The following INSYN2B variants were observed in gnomAD, a reference collection of about 807,000 sequenced individuals.
INSYN2B encodes the protein inhibitory synaptic factor family member 2B.
A neutral mutation model predicts 41.2 loss-of-function variants in INSYN2B; 16 were observed. The observed-to-expected ratio is 0.39, with a 90% confidence interval of 0.26 to 0.59. The LOEUF is 0.59. Ranked by LOEUF, INSYN2B falls within the 20% of genes least tolerant of loss-of-function variation. The probability of loss-of-function intolerance (pLI) is 0.57; values close to 1 mark genes in which losing one functional copy is unlikely to be tolerated. For missense variants in INSYN2B, 608 were observed against 646.4 expected (o/e 0.94, Z 0.64); for synonymous variants, 245 against 244.4 (o/e 1.00, Z -0.02).
At chr5:169,902,837 C>T (rs537945882) in intron 1 of INSYN2B, among the ~76,000 whole-genome samples, 6 of 152,252 alleles carry the variant, frequency 3.9e-5, no homozygotes, top group South Asian at 4.1e-4. Flanking sequence ...TGGTGGCTCA[C>T]GCCTGTAATC....
At chr5:169,916,322 C>T (rs1001785388) in intron 1 of INSYN2B, among the ~76,000 whole-genome samples, 2 of 152,222 alleles carry the variant, frequency 1.3e-5, no homozygotes. Flanking sequence ...ATGCATGGAT[C>T]TAAGGAACCA....
chr5:169,890,516 A>G (rs1465423248), intron 1 of INSYN2B, among the ~76,000 whole-genome samples: 1 of 152,164 alleles, frequency 6.6e-6, no homozygotes, highest in Non-Finnish European at 1.5e-5. Flanking sequence ...CTAATTTTCC[A>G]AATTATATAT....
At chr5:169,936,599 T>A (rs907835643) in intron 1 of INSYN2B, among the ~76,000 whole-genome samples, 23 of 130,860 alleles carry the variant, frequency 1.8e-4, no homozygotes, top group Middle Eastern at 3.8e-3. Flanking sequence ...TTTTTTTTTT[T>A]ATGAATTAGC....
chr5:169,912,976 T>C (rs1581406554), intron 1 of INSYN2B, among the ~76,000 whole-genome samples: 1 of 152,326 alleles, frequency 6.6e-6, no homozygotes, highest in South Asian at 2.1e-4. Context: ...TAATTTTGTA[T>C]AGAATTTTCA....
chr5:169,950,754 G>A (rs986383498), intron 1 of INSYN2B, among the ~76,000 whole-genome samples: 9 of 152,082 alleles, frequency 5.9e-5, no homozygotes, highest in Middle Eastern at 3.2e-3. Flanking sequence ...CTTAAGATTC[G>A]GGTGTATCAG....
rs985138521 is a variant in INSYN2B, at chr5:169,863,521, A to T, written c.*752T>A. Among the ~76,000 whole-genome samples the T allele has an allele frequency of 6.6e-6, 1 of 152,246 alleles. No homozygotes were observed. The highest frequency in any genetic ancestry group is 1.9e-4 in the East Asian group (1 of 5,182). Reference sequence around the variant, plus strand: ...CTCAGGCCCTAGGCAGAGAAGAAGCATGATGGTTTAGGGTGGGCCCTGGAA... The same window carrying T: ...CTCAGGCCCTAGGCAGAGAAGAAGCTTGATGGTTTAGGGTGGGCCCTGGAA... On this transcript the variant is annotated 3_prime_UTR_variant, in exon 4 of 4. Coordinates refer to ENST00000377365, the MANE Select transcript of INSYN2B (RefSeq NM_001129891.3).
At chr5:169,913,539 G>A (rs1300424258) in intron 1 of INSYN2B, among the ~76,000 whole-genome samples, 1 of 152,064 alleles carries the variant, frequency 6.6e-6, no homozygotes, top group Non-Finnish European at 1.5e-5. Context: ...TTACTCAAAA[G>A]GAGCTCTAGA....
chr5:169,946,761 C>G (rs930471744), intron 1 of INSYN2B, among the ~76,000 whole-genome samples: 1 of 152,184 alleles, frequency 6.6e-6, no homozygotes, highest in Non-Finnish European at 1.5e-5. Context: ...CTGAAAGTCA[C>G]ACAGTAGGAT....
intron 1 of INSYN2B, among the ~76,000 whole-genome samples, chr5:169,945,793 G>A (rs1164763568): frequency 6.6e-6 from 1 of 152,194 alleles, no homozygotes; most frequent in East Asian, 1.9e-4. Flanking sequence ...AGCACCTCTG[G>A]CTTTTGCTTA....
intron 3 of INSYN2B, 150 bp downstream of exon 3, chr5:169,881,218 T>C (rs1772627437): frequency 3.0e-6 from 2 of 657,498 alleles, no homozygotes; most frequent in Admixed American, 5.1e-5. Context: ...AACAAAGCAA[T>C]CCCTGCCTTG....
chr5:169,945,152 G>C (rs1776394811), intron 1 of INSYN2B, among the ~76,000 whole-genome samples: 1 of 152,204 alleles, frequency 6.6e-6, no homozygotes, highest in Non-Finnish European at 1.5e-5. Flanking sequence ...CTCTGACATG[G>C]TTAAAAAGGT....
rs149156890 is a variant in INSYN2B, at chr5:169,883,403, C to T, written c.496G>A (p.Val166Met). 6.4e-7 allele frequency: 1 copy of T among 1,551,680 alleles called. No homozygotes were observed. The highest frequency in any genetic ancestry group is 2.0e-5 in the Admixed American group (1 of 50,990). The change falls in exon 2 of 4, where the codon GTG becomes ATG. Residue 166 changes from valine (V) to methionine (M), a missense_variant. Transcript: ENST00000377365. ...HLEDGPRRVK[V>M]SHAFLPRVPK... ...ACCCTTGGGAGGAATGCATGGGACACCTTGACCCTTCGAGGCCCATCCTCA... is the reference window on the plus strand; with the variant it reads ...ACCCTTGGGAGGAATGCATGGGACATCTTGACCCTTCGAGGCCCATCCTCA...
Position 169,883,944 on chromosome 5 carries a change from C to T in INSYN2B, c.-46G>A. On this transcript the variant is annotated 5_prime_UTR_variant, in exon 2 of 4. It adds an upstream start codon to the 5' untranslated region. Coordinates refer to ENST00000377365, the MANE Select transcript of INSYN2B (RefSeq NM_001129891.3). ...CAGGACCATACACTTCTCCTAGGCA[C>T]ATCTCCCCTTAGGTCTTTGGAGCAG... 1.4e-6 allele frequency: 2 copies of T among 1,439,190 alleles called. No individual in the cohort carries two copies. Among genetic ancestry groups the T allele is most frequent in the South Asian group, 3.0e-5 (2 of 66,214 alleles). 89.2% of individuals were successfully genotyped at this position (1,439,190 alleles called of 1,614,324 possible). A position where few individuals can be genotyped will look rare whatever the true frequency, so the allele number is the denominator to read the frequency against.
intron 1 of INSYN2B, among the ~76,000 whole-genome samples, chr5:169,938,028 G>T (rs1023427832): frequency 2.0e-5 from 3 of 152,252 alleles, no homozygotes; most frequent in Admixed American, 2.0e-4. Context: ...GAAATCCTGG[G>T]AGCCATTAAG....
intron 1 of INSYN2B, among the ~76,000 whole-genome samples, chr5:169,903,985 G>C (rs774578923): frequency 1.3e-5 from 2 of 151,806 alleles, no homozygotes; most frequent in Non-Finnish European, 2.9e-5. Context: ...CCAGTTACTC[G>C]GGAGGGCTGA....
intron 1 of INSYN2B, among the ~76,000 whole-genome samples, chr5:169,978,392 T>TGG (rs150934804): frequency 4.4e-4 from 10 of 22,732 alleles, no homozygotes; most frequent in African/African-American, 5.7e-4. Flanking sequence ...TGTGTGTGTG[T>TGG]GGGGGGGGGG....
intron 1 of INSYN2B, among the ~76,000 whole-genome samples, chr5:169,922,591 A>G (rs1439178254): frequency 2.6e-5 from 4 of 152,230 alleles, no homozygotes; most frequent in Non-Finnish European, 5.9e-5. Context: ...AGTTTAGAGA[A>G]TATCACCTAC....
chr5:169,943,949 G>A lies in INSYN2B; in HGVS notation c.-919+36328C>T, dbSNP rs1016125252. On this transcript the variant is annotated intron_variant, in intron 1 of 3. Transcript: ENST00000377365. ...TGGGAAAATTTAGAAAAGCCACTTT[G>A]CTTTCTTATTGTCTCTGTAAAGTGG... Among the ~76,000 whole-genome samples the A allele has an allele frequency of 3.9e-5, 6 of 152,330 alleles. No homozygotes were observed. In the East Asian group the frequency reaches 7.7e-4, roughly 20 times the overall value.
intron 1 of INSYN2B, among the ~76,000 whole-genome samples, chr5:169,963,661 C>G (rs1203848864): frequency 1.3e-5 from 2 of 152,194 alleles, no homozygotes; most frequent in African/African-American, 4.8e-5. Context: ...AACCCACCCC[C>G]TCACCCAGTC....
Sources: gnomAD v4.1 joint callset for allele counts (sites outside exome capture counted in the v4.1 genomes callset) on GRCh38, gnomAD v4.1.1 for gene constraint, MANE v1.5 for transcripts, NCBI Gene and HGNC (gene_info 2026-07-23, HGNC 2026-07-21) for gene names.